The following ERGIC2 variants were observed in gnomAD, a reference collection of about 807,000 sequenced individuals.
The protein encoded by ERGIC2 is endoplasmic reticulum-Golgi intermediate compartment protein 2.
ERGIC2 carries 31 observed loss-of-function variants against 52.5 expected under a neutral mutation model. The observed-to-expected ratio is 0.59, with a 90% CI of 0.44 to 0.80. The LOEUF (loss-of-function observed/expected upper bound fraction) is 0.80, where lower values mean the gene tolerates loss of function less well. ERGIC2 is among the 30% of genes least tolerant of loss of function. The probability of loss-of-function intolerance (pLI) is 0.00; values close to 1 mark genes in which losing one functional copy is unlikely to be tolerated. For synonymous variants in ERGIC2, 129 were observed against 140.6 expected, an observed-to-expected ratio of 0.92 and a Z score of 0.58; for missense variants, 395 against 455.2, an observed-to-expected ratio of 0.87 and a Z score of 1.20.
chr12:29,338,327 T>C lies in ERGIC2; in HGVS notation c.*2829A>G, dbSNP rs1247967824. 1 of 152,004 alleles carries C rather than the reference T, an allele frequency of 6.6e-6. No individual in the cohort carries two copies. Among genetic ancestry groups the C allele is most frequent in the Non-Finnish European group, 1.5e-5 (1 of 68,008 alleles). 9.4% of individuals were successfully genotyped at this position (152,004 alleles called of 1,614,324 possible). A position where few individuals can be genotyped will look rare whatever the true frequency, so the allele number is the denominator to read the frequency against. On this transcript the variant is annotated 3_prime_UTR_variant, in exon 14 of 14. Coordinates refer to ENST00000360150, the MANE Select transcript of ERGIC2 (RefSeq NM_016570.3). ...AAACATACATGAGAAAAGTGTGATA[T>C]TAATCATCTAACTTGAGAACTAGAA...
At chr12:29,361,742 C>G (rs1303056500) in intron 5 of ERGIC2, 57 bp from the exon 6 acceptor site, 11 of 1,428,578 alleles carry the variant, frequency 7.7e-6, no homozygotes, top group Non-Finnish European at 1.0e-5. Context: ...GCTTTTACAT[C>G]ATAATTTAAA....
intron 7 of ERGIC2, among the ~76,000 whole-genome samples, chr12:29,357,296 C>T (rs971292587): frequency 1.2e-4 from 18 of 152,108 alleles, no homozygotes; most frequent in East Asian, 7.7e-4. Context: ...AATACAAAAA[C>T]GGGAAATAAA....
At chr12:29,378,549 AAC>A (rs1433051374) in intron 1 of ERGIC2, among the ~76,000 whole-genome samples, 2 of 152,040 alleles carry the variant, frequency 1.3e-5, no homozygotes, top group Non-Finnish European at 1.5e-5. Flanking sequence ...TACAATAAAA[AAC>A]ATTTTATAAG....
intron 1 of ERGIC2, among the ~76,000 whole-genome samples, chr12:29,380,400 ACTTTGT>A (rs1296989462): frequency 6.6e-6 from 1 of 151,414 alleles, no homozygotes; most frequent in Non-Finnish European, 1.5e-5. Context: ...CTATTATGCC[ACTTTGT>A]CTTTAAGTCT....
intron 8 of ERGIC2, among the ~76,000 whole-genome samples, chr12:29,352,035 T>C (rs997145159): frequency 2.6e-5 from 4 of 152,152 alleles, no homozygotes; most frequent in Admixed American, 6.6e-5. Flanking sequence ...AAATGCAACA[T>C]TTGAAGTCCA....
In ERGIC2 at chr12:29,372,230, C is replaced by G. The variant is rs557732688; in HGVS notation, c.-37-560G>C. ...TGGTGGCACGTGCCTGTAGTCCCAG[C>G]TACCTAGGAGGCTGAGGCAGGAGAA... On this transcript the variant is annotated intron_variant, in intron 1 of 13. Coordinates refer to ENST00000360150, the MANE Select transcript of ERGIC2 (RefSeq NM_016570.3). 8.3e-4 allele frequency among the ~76,000 whole-genome samples: 126 copies of G among 152,128 alleles called. 1 individual carries two copies. The highest frequency in any genetic ancestry group is 6.5e-3 in the Admixed American group (99 of 15,274).
intron 10 of ERGIC2, 26 bp from the exon 11 acceptor site, chr12:29,345,566 C>T (rs775527664): frequency 8.2e-7 from 1 of 1,222,120 alleles, no homozygotes; most frequent in Non-Finnish European, 1.2e-6. Flanking sequence ...AACTTTTTAT[C>T]AATTCAGTAG....
Position 29,337,393 on chromosome 12 carries a change from G to T in ERGIC2, c.*3763C>A, listed in dbSNP as rs921699317. The T allele has an allele frequency of 6.9e-6, 1 of 144,198 alleles. No individual in the cohort carries two copies. Among genetic ancestry groups the T allele is most frequent in the Non-Finnish European group, 1.5e-5 (1 of 67,254 alleles). The allele number at this position is 144,198 out of a possible 1,614,324, so 8.9% of individuals were successfully genotyped here. A position where few individuals can be genotyped will look rare whatever the true frequency, so the allele number is the denominator to read the frequency against. ...TTATTGAGTCCAAATGTTTATGCTT[G>T]CAATACTAAATATTTTGTTTTTTCT... is the stretch of plus-strand genomic sequence containing the variant. On this transcript the variant is annotated 3_prime_UTR_variant, in exon 14 of 14. Coordinates refer to ENST00000360150, the MANE Select transcript of ERGIC2 (RefSeq NM_016570.3).
chr12:29,358,577 T>C (rs894830942), intron 6 of ERGIC2, among the ~76,000 whole-genome samples: 3 of 152,158 alleles, frequency 2.0e-5, no homozygotes, highest in Admixed American at 6.6e-5. Context: ...ATAACAACTA[T>C]ATCCAATCTG....
intron 4 of ERGIC2, among the ~76,000 whole-genome samples, chr12:29,367,417 A>T (rs1232190289): frequency 6.6e-6 from 1 of 151,880 alleles, no homozygotes; most frequent in African/African-American, 2.4e-5. Flanking sequence ...AAAATTTAAC[A>T]GTATTTAAAC....
At chr12:29,364,654 C>T (rs956961947) in intron 5 of ERGIC2, among the ~76,000 whole-genome samples, 3 of 151,782 alleles carry the variant, frequency 2.0e-5, no homozygotes, top group Non-Finnish European at 4.4e-5. Flanking sequence ...ACAAAAACTA[C>T]CAACAGAGTA....
intron 1 of ERGIC2, among the ~76,000 whole-genome samples, chr12:29,374,319 G>T (rs897262158): frequency 1.3e-5 from 2 of 152,118 alleles, no homozygotes; most frequent in African/African-American, 4.8e-5. Context: ...TGACTTAAGT[G>T]ATATCACATC....
Position 29,340,637 on chromosome 12 carries a change from C to A in ERGIC2, c.*519G>T. The A allele has an allele frequency of 3.8e-6, 1 of 261,786 alleles. No homozygotes were observed. Among genetic ancestry groups the A allele is most frequent in the Non-Finnish European group, 7.4e-6 (1 of 135,232 alleles). 16.2% of individuals were successfully genotyped at this position (261,786 alleles called of 1,614,324 possible). A position where few individuals can be genotyped will look rare whatever the true frequency, so the allele number is the denominator to read the frequency against. On this transcript the variant is annotated 3_prime_UTR_variant, in exon 14 of 14. Coordinates refer to ENST00000360150, the MANE Select transcript of ERGIC2 (RefSeq NM_016570.3). ...TGGCTTAACATTAATATGGCTATAA[C>A]ATAGGGACTAGCCCGTTTTTTTTTT...
At chr12:29,357,158 C>T (rs1458380001) in intron 7 of ERGIC2, among the ~76,000 whole-genome samples, 1 of 151,946 alleles carries the variant, frequency 6.6e-6, no homozygotes, top group South Asian at 2.1e-4. Flanking sequence ...TTCGTAGGGA[C>T]GGAGTTTCAC....
Position 29,347,835 on chromosome 12 carries a change from G to A in ERGIC2, c.727+1244C>T, listed in dbSNP as rs542059829. Among the ~76,000 whole-genome samples the A allele has an allele frequency of 1.9e-4, 29 of 152,020 alleles. No individual in the cohort carries two copies. The South Asian group carries it at 5.2e-3, about 27-fold the overall frequency. ...AAAAACCTGATGATACTCACCTAACGGCATTTCAGAATATGACTCTAAATA... is the reference window on the plus strand; with the variant it reads ...AAAAACCTGATGATACTCACCTAACAGCATTTCAGAATATGACTCTAAATA... On this transcript the variant is annotated intron_variant, in intron 10 of 13. Transcript: ENST00000360150.
chr12:29,362,039 CAG>C (rs1383791609), intron 5 of ERGIC2, among the ~76,000 whole-genome samples: 2 of 152,084 alleles, frequency 1.3e-5, no homozygotes, highest in African/African-American at 2.4e-5. Context: ...TACAAAAATA[CAG>C]AGTTATATTC....
intron 5 of ERGIC2, among the ~76,000 whole-genome samples, chr12:29,365,343 A>C (rs1940344971): frequency 6.6e-6 from 1 of 152,122 alleles, no homozygotes; most frequent in African/African-American, 2.4e-5. Flanking sequence ...TCCTAAGCAA[A>C]TAAATGGCAG....
In ERGIC2 at chr12:29,337,694, T is replaced by C. The variant is rs962323378; in HGVS notation, c.*3462A>G. 6.6e-6 allele frequency: 1 copy of C among 152,186 alleles called. No homozygotes were observed. The highest frequency in any genetic ancestry group is 2.4e-5 in the African/African-American group (1 of 41,454). 9.4% of individuals were successfully genotyped at this position (152,186 alleles called of 1,614,324 possible). A position where few individuals can be genotyped will look rare whatever the true frequency, so the allele number is the denominator to read the frequency against. ...AGGAAAAGTACTAGCTTAAAAGGCA[T>C]GCTGAGATTTTAAAGGTCCTAAAGC... On this transcript the variant is annotated 3_prime_UTR_variant, in exon 14 of 14. Transcript: ENST00000360150.
intron 9 of ERGIC2, 110 bp downstream of exon 9, chr12:29,349,903 G>A: frequency 3.2e-6 from 2 of 633,652 alleles, no homozygotes; most frequent in Non-Finnish European, 5.6e-6. Context: ...TTTTCCTTTG[G>A]ATGAATATGT....
Sources: gnomAD v4.1 joint callset for allele counts (sites outside exome capture counted in the v4.1 genomes callset) on GRCh38, gnomAD v4.1.1 for gene constraint, MANE v1.5 for transcripts, NCBI Gene and HGNC (gene_info 2026-07-23, HGNC 2026-07-21) for gene names.